Variants in JADE2 observed in about 807,000 individuals in gnomAD.
JADE2 encodes jade family PHD finger 2, also known as E3 ubiquitin-protein ligase Jade-2.
In JADE2, 13 loss-of-function variants were observed where a neutral mutation model predicts 85.7. The ratio of observed to expected loss-of-function variants is 0.15; its 90% CI spans 0.10 to 0.24. JADE2 has a LOEUF of 0.24. Among genes scored for constraint, JADE2 ranks in the 10% least tolerant of loss-of-function variants. JADE2 has a pLI of 1.00. For synonymous variants in JADE2, 440 were observed against 456.1 expected, an observed-to-expected ratio of 0.96 and a Z score of 0.45; for missense variants, 846 against 1,115.9, an observed-to-expected ratio of 0.76 and a Z score of 3.45.
rs2149974005 is a variant in JADE2, at chr5:134,560,696, A to G, written c.473-50A>G. On this transcript the variant is annotated intron_variant, in intron 5 of 11. Transcript: ENST00000681547. Reference sequence around the variant, plus strand: ...AGGAGCCAAGTCCTCTTCAAAGCTCAAAGGAGGCTGGGCTCCTAACACCAC... The same window carrying G: ...AGGAGCCAAGTCCTCTTCAAAGCTCGAAGGAGGCTGGGCTCCTAACACCAC... 3 of 1,530,220 alleles carry G rather than the reference A, an allele frequency of 2.0e-6. No homozygotes were observed. In the East Asian group the frequency reaches 7.0e-5, roughly 36 times the overall value. 94.8% of individuals were successfully genotyped at this position (1,530,220 alleles called of 1,614,324 possible). A position where few individuals can be genotyped will look rare whatever the true frequency, so the allele number is the denominator to read the frequency against.
chr5:134,554,753 C>T (rs938195268), intron 4 of JADE2, among the ~76,000 whole-genome samples: 7 of 152,138 alleles, frequency 4.6e-5, no homozygotes, highest in African/African-American at 1.7e-4. Flanking sequence ...GTTGCTATCT[C>T]CCTCCGGCCC....
At chr5:134,529,505 T>G (rs912690969) in intron 1 of JADE2, among the ~76,000 whole-genome samples, 6 of 152,238 alleles carry the variant, frequency 3.9e-5, no homozygotes, top group African/African-American at 1.4e-4. Context: ...TTCCTTCTGT[T>G]ACAAGGAGCA....
chr5:134,545,728 T>C (rs183523730), intron 3 of JADE2, among the ~76,000 whole-genome samples: 16 of 152,346 alleles, frequency 1.1e-4, no homozygotes, highest in Non-Finnish European at 2.2e-4. Context: ...AGCCACGATA[T>C]ATGTAAAACT....
intron 1 of JADE2, among the ~76,000 whole-genome samples, chr5:134,529,845 TAGAC>T (rs1281162642): frequency 6.6e-6 from 1 of 152,320 alleles, no homozygotes; most frequent in Non-Finnish European, 1.5e-5. Flanking sequence ...AAGAACAAAG[TAGAC>T]AGAGCCTTTT....
rs182372103 is a variant in JADE2, at chr5:134,529,466, C to T, written c.-1+3455C>T. ...GGTTTGAATCCTGGCTGTGCAGTTA[C>T]CAACTGTCATAATGGCTCTATACCT... On this transcript the variant is annotated intron_variant, in intron 1 of 11. Coordinates refer to ENST00000681547, the MANE Select transcript of JADE2 (RefSeq NM_001388185.1). 1.7e-3 allele frequency among the ~76,000 whole-genome samples: 258 copies of T among 152,300 alleles called. 3 individuals are homozygous for T. Among genetic ancestry groups the T allele is most frequent in the Non-Finnish European group, 2.8e-4 (19 of 68,028 alleles).
chr5:134,564,917 C>A (rs1367214899), intron 8 of JADE2, among the ~76,000 whole-genome samples: 2 of 152,208 alleles, frequency 1.3e-5, no homozygotes, highest in Non-Finnish European at 2.9e-5. Context: ...AGCCTCACTT[C>A]TGACATTGAA....
At chr5:134,526,660 C>G in intron 1 of JADE2, 1 of 985,350 alleles carries the variant, frequency 1.0e-6, no homozygotes, top group Non-Finnish European at 1.2e-6. Context: ...CCGGTGCACG[C>G]GGGCGCTGCA....
At chr5:134,551,300 C>T (rs1313799028) in intron 3 of JADE2, among the ~76,000 whole-genome samples, 2 of 152,134 alleles carry the variant, frequency 1.3e-5, no homozygotes, top group Non-Finnish European at 2.9e-5. Flanking sequence ...GCAATCATGG[C>T]TCACTGCAGG....
At chr5:134,540,325 C>T (rs988571704) in intron 3 of JADE2, among the ~76,000 whole-genome samples, 1 of 151,920 alleles carries the variant, frequency 6.6e-6, no homozygotes, top group Admixed American at 6.6e-5. Context: ...CTCAAGTGAT[C>T]CTCCCATCTC....
chr5:134,535,451 C>T (rs1418300413), intron 1 of JADE2, among the ~76,000 whole-genome samples: 1 of 152,184 alleles, frequency 6.6e-6, no homozygotes, highest in Non-Finnish European at 1.5e-5. Flanking sequence ...GTTTGCTGTC[C>T]TCTACCCACC....
At position 134,552,042 on chromosome 5, in the gene JADE2, C is replaced by A. The variant is rs1762626036; in HGVS notation, c.154-10C>A. On this transcript the variant is annotated splice_polypyrimidine_tract_variant and intron_variant, in intron 3 of 11. Transcript: ENST00000681547. ...TCTGAAGTCACTCTTTCCCCTCTTG[C>A]CCCTCACAGGTTTTCCGGACAGACT... The A allele has an allele frequency of 6.2e-7, 1 of 1,614,208 alleles. No individual in the cohort carries two copies. Among genetic ancestry groups the A allele is most frequent in the African/African-American group, 1.3e-5 (1 of 75,074 alleles).
intron 1 of JADE2, among the ~76,000 whole-genome samples, 164 bp from the exon 2 acceptor site, chr5:134,535,694 G>A (rs1433775806): frequency 6.6e-6 from 1 of 152,086 alleles, no homozygotes; most frequent in Non-Finnish European, 1.5e-5. Context: ...CTGTGGGTGG[G>A]TGGGAGAGGG....
At chr5:134,533,686 G>A in intron 1 of JADE2, 1 of 416,960 alleles carries the variant, frequency 2.4e-6, no homozygotes, top group Non-Finnish European at 3.2e-6. Context: ...GAAGACGTAG[G>A]CTAGAATCAG....
chr5:134,576,929 G>A lies in JADE2; in HGVS notation c.1681+33G>A, dbSNP rs1450707904. 7 of 1,509,732 alleles carry A rather than the reference G, an allele frequency of 4.6e-6. No homozygotes were observed. The Admixed American group carries it at 1.5e-4, about 32-fold the overall frequency. The allele number at this position is 1,509,732 out of a possible 1,614,324, so 93.5% of individuals were successfully genotyped here. ...AGGGCCATGCTGGCCTGCAGACACG[G>A]CAGGCTTGACCATCACCACGCTTGC... On this transcript the variant is annotated intron_variant, in intron 11 of 11. Coordinates refer to ENST00000681547, the MANE Select transcript of JADE2 (RefSeq NM_001388185.1).
chr5:134,574,968 C>G (rs1049613432), intron 10 of JADE2: 11 of 152,296 alleles, frequency 7.2e-5, no homozygotes, highest in Non-Finnish European at 1.3e-4. Flanking sequence ...AGGCACTTGG[C>G]TGTGGCCACA....
intron 10 of JADE2, chr5:134,575,541 A>T (rs565675604): frequency 2.0e-5 from 3 of 152,282 alleles, no homozygotes; most frequent in East Asian, 1.9e-4. Context: ...AGGAGCTTAC[A>T]CTGTCCTGAG....
chr5:134,534,742 G>T (rs1323694717), intron 1 of JADE2, among the ~76,000 whole-genome samples: 1 of 152,190 alleles, frequency 6.6e-6, no homozygotes, highest in Non-Finnish European at 1.5e-5. Context: ...TTGCTGTGGG[G>T]AGTCAGTCAG....
In JADE2 at chr5:134,527,081, C is replaced by T. The variant is rs148427517; in HGVS notation, c.-1+1070C>T. ...TGGCGGACCCCGTTTGGGACGCACA[C>T]ACCTGACTCTCAAATGAGTGACATT... On this transcript the variant is annotated intron_variant, in intron 1 of 11. Transcript: ENST00000681547. Among the ~76,000 whole-genome samples, 95 of 152,296 alleles carry T rather than the reference C, an allele frequency of 6.2e-4. No individual in the cohort carries two copies. In the East Asian group the frequency reaches 0.018, roughly 29 times the overall value.
rs549694310 is a variant in JADE2 at position 134,580,425 on chromosome 5, T to TTCCCCC, written c.*1108_*1109insTCCCCC. 1 of 72,082 alleles carries TTCCCCC rather than the reference T, an allele frequency of 1.4e-5. No homozygotes were observed. The highest frequency in any genetic ancestry group is 2.7e-5 in the Non-Finnish European group (1 of 37,012). The allele number at this position is 72,082 out of a possible 1,614,324, so 4.5% of individuals were successfully genotyped here. A position where few individuals can be genotyped will look rare whatever the true frequency, so the allele number is the denominator to read the frequency against. On this transcript the variant is annotated 3_prime_UTR_variant, in exon 12 of 12. Transcript: ENST00000681547. ...TGAGCCTTAACCCCTCGCACAGCCA[T>TTCCCCC]CCCCCCCCCCGTCCTGCCATCCCCC...
Sources: allele counts gnomAD v4.1 joint callset (sites outside exome capture counted in the v4.1 genomes callset), GRCh38; gene constraint gnomAD v4.1.1; transcripts MANE v1.5; gene names NCBI Gene and HGNC (gene_info 2026-07-23, HGNC 2026-07-21).